The following C5orf46 variants were observed in gnomAD, a reference collection of about 807,000 sequenced individuals.
C5orf46 encodes chromosome 5 open reading frame 46, also known as uncharacterized protein C5orf46.
A neutral mutation model predicts 8.9 loss-of-function variants in C5orf46; 9 were observed. The observed-to-expected ratio is 1.01, with a 90% CI of 0.61 to 1.76. The LOEUF (loss-of-function observed/expected upper bound fraction) is 1.76. C5orf46 is among the 40% of genes most tolerant of loss of function. The pLI is 0.00. For missense variants in C5orf46, 98 were observed against 107.8 expected, an observed-to-expected ratio of 0.91 and a Z score of 0.40; for synonymous variants, 47 against 41.4, an observed-to-expected ratio of 1.14 and a Z score of -0.52.
At chr5:147,893,559 C>T (rs952079846) in intron 3 of C5orf46, among the ~76,000 whole-genome samples, 9 of 149,354 alleles carry the variant, frequency 6.0e-5, no homozygotes, top group African/African-American at 2.2e-4. Context: ...GCTGGGATTA[C>T]GAGCCACAGT....
chr5:147,895,439 T>C (rs1042225972), intron 3 of C5orf46, among the ~76,000 whole-genome samples: 7 of 152,238 alleles, frequency 4.6e-5, no homozygotes, highest in African/African-American at 1.7e-4. Context: ...AAAAAATTTA[T>C]GGCATTAAGA....
In C5orf46 at chr5:147,906,524, GCAGATAAATTGTT is replaced by G. The variant is rs774698813; in HGVS notation, c.-36_-24del. ...CATTCTGGTAGCACGGGGTATTCGTGCAGATAAATTGTTCAGATACATGTGAAACAATGCTCCA... is the reference window on the plus strand; with the variant it reads ...CATTCTGGTAGCACGGGGTATTCGTGCAGATACATGTGAAACAATGCTCCA... On this transcript the variant is annotated 5_prime_UTR_variant, in exon 1 of 4. Transcript: ENST00000318315. The G allele has an allele frequency of 1.2e-5, 19 of 1,574,672 alleles. No individual in the cohort carries two copies. The East Asian group carries it at 4.3e-4, about 35-fold the overall frequency.
At chr5:147,890,037 T>C (rs1240062921), downstream of C5orf46, among the ~76,000 whole-genome samples, 1 of 152,208 alleles carries the variant, frequency 6.6e-6, no homozygotes, top group Non-Finnish European at 1.5e-5. Flanking sequence ...TCAAATCCTT[T>C]ATCATTCATC....
At chr5:147,889,214 A>G (rs1242696888), downstream of C5orf46, among the ~76,000 whole-genome samples, 4 of 152,174 alleles carry the variant, frequency 2.6e-5, no homozygotes, top group South Asian at 2.1e-4. Flanking sequence ...AAAGATTTCT[A>G]TCTGTTTACC....
chr5:147,895,170 C>T (rs1042461899), intron 3 of C5orf46, among the ~76,000 whole-genome samples: 3 of 152,038 alleles, frequency 2.0e-5, no homozygotes, highest in Non-Finnish European at 2.9e-5. Flanking sequence ...TGCCTATAAT[C>T]GGAACAGTTT....
At chr5:147,886,456 AT>A (rs1757417297) in intron 2 of C5orf46, 1 of 146,138 alleles carries the variant, frequency 6.8e-6, no homozygotes, top group South Asian at 2.1e-4. Flanking sequence ...TATACATATA[AT>A]TATCATATAA....
intron 2 of C5orf46, 172 bp downstream of exon 2, chr5:147,901,457 G>C: frequency 8.8e-6 from 5 of 567,502 alleles, no homozygotes; most frequent in Non-Finnish European, 1.5e-5. Flanking sequence ...GCTCAGGGCA[G>C]TTGATTCAGA....
chr5:147,902,180 G>A (rs752909936), intron 1 of C5orf46, among the ~76,000 whole-genome samples: 16 of 152,152 alleles, frequency 1.1e-4, no homozygotes, highest in Non-Finnish European at 2.2e-4. Context: ...AACTGGGTGA[G>A]GTGGCTCATG....
At position 147,898,230 on chromosome 5, in the gene C5orf46, G is replaced by C. The variant is rs534235506; in HGVS notation, c.216-1189C>G. Among the ~76,000 whole-genome samples, 11 of 152,240 alleles carry C rather than the reference G, an allele frequency of 7.2e-5. No homozygotes were observed. In the East Asian group the frequency reaches 1.9e-3, roughly 27 times the overall value. On this transcript the variant is annotated intron_variant, in intron 2 of 3. Coordinates refer to ENST00000318315, the MANE Select transcript of C5orf46 (RefSeq NM_206966.3). ...AGGAACTTGGGAAAGAGATGATAAA[G>C]GACTCAACTTGACCAACTAGTCAGT... is the stretch of plus-strand genomic sequence containing the variant.
intron 2 of C5orf46, chr5:147,886,474 G>A (rs976509916): frequency 2.7e-5 from 4 of 150,546 alleles, no homozygotes; most frequent in Admixed American, 2.0e-4. Flanking sequence ...ATAATCATAT[G>A]GAATATAATT....
At chr5:147,899,085 T>C (rs1309332784) in intron 2 of C5orf46, among the ~76,000 whole-genome samples, 2 of 152,184 alleles carry the variant, frequency 1.3e-5, no homozygotes, top group Admixed American at 6.6e-5. Flanking sequence ...ATCTTGCTTT[T>C]GCCATAAACA....
intron 2 of C5orf46, among the ~76,000 whole-genome samples, chr5:147,899,815 G>T (rs1339018899): frequency 6.6e-6 from 1 of 152,098 alleles, no homozygotes; most frequent in African/African-American, 2.4e-5. Flanking sequence ...CATTAGAAAA[G>T]GAGAGTATTT....
chr5:147,897,289 T>C (rs1757597108), intron 2 of C5orf46, among the ~76,000 whole-genome samples: 1 of 152,204 alleles, frequency 6.6e-6, no homozygotes, highest in Admixed American at 6.5e-5. Context: ...CTCCATAAAG[T>C]CATATATTTT....
At chr5:147,894,975 A>C (rs1034364735) in intron 3 of C5orf46, among the ~76,000 whole-genome samples, 1 of 151,884 alleles carries the variant, frequency 6.6e-6, no homozygotes, top group Non-Finnish European at 1.5e-5. Flanking sequence ...AGTCAGGAGA[A>C]TCACTTGAAC....
Sources: allele counts gnomAD v4.1 joint callset (sites outside exome capture counted in the v4.1 genomes callset), GRCh38; gene constraint gnomAD v4.1.1; transcripts MANE v1.5; gene names NCBI Gene and HGNC (gene_info 2026-07-23, HGNC 2026-07-21).